The following WWP2 variants were observed in gnomAD, a reference collection of about 807,000 sequenced individuals.
WWP2 encodes NEDD4-like E3 ubiquitin-protein ligase WWP2.
WWP2 carries 57 observed loss-of-function variants against 121.0 expected under a neutral mutation model. The observed-to-expected ratio is 0.47, with a 90% CI of 0.38 to 0.59. The LOEUF (loss-of-function observed/expected upper bound fraction) is 0.59. WWP2 is among the 20% of genes least tolerant of loss of function. The pLI, the probability that WWP2 is intolerant of heterozygous loss-of-function variation, is 0.00. For synonymous variants in WWP2, 449 were observed against 441.3 expected (o/e 1.02, Z -0.22); for missense variants, 962 against 1,158.9 (o/e 0.83, Z 2.47).
intron 7 of WWP2, among the ~76,000 whole-genome samples, chr16:69,881,074 G>A (rs1032210998): frequency 6.6e-6 from 1 of 152,114 alleles, no homozygotes; most frequent in Non-Finnish European, 1.5e-5. Flanking sequence ...CATCACAGAG[G>A]GAACCTTGTG....
In WWP2 at chr16:69,940,605, G is replaced by C. The variant is rs988263769; in HGVS notation, c.*665G>C. On this transcript the variant is annotated 3_prime_UTR_variant, in exon 24 of 24. Coordinates refer to ENST00000359154, the MANE Select transcript of WWP2 (RefSeq NM_001270454.2). ...GGGACAAAAACAGCAAACTCCCTCAGACTTTGTCCATGTATAAACTTGAAG... is the reference window on the plus strand; with the variant it reads ...GGGACAAAAACAGCAAACTCCCTCACACTTTGTCCATGTATAAACTTGAAG... 1.3e-5 allele frequency: 2 copies of C among 152,338 alleles called. No individual in the cohort carries two copies. Among genetic ancestry groups the C allele is most frequent in the African/African-American group, 4.8e-5 (2 of 41,448 alleles). The allele number at this position is 152,338 out of a possible 1,614,324, so 9.4% of individuals were successfully genotyped here.
Position 69,832,457 on chromosome 16 carries a change from A to G in WWP2, c.341-7669A>G, listed in dbSNP as rs142552168. Reference sequence around the variant, plus strand: ...GCCAATTTCATACCTAGAAAACTCAATGGTAATCATTTAATATTTTGAACT... The same window carrying G: ...GCCAATTTCATACCTAGAAAACTCAGTGGTAATCATTTAATATTTTGAACT... On this transcript the variant is annotated intron_variant, in intron 4 of 23. Transcript: ENST00000359154. Among the ~76,000 whole-genome samples the G allele has an allele frequency of 2.2e-4, 33 of 152,342 alleles. 1 individual carries two copies. In the East Asian group the frequency reaches 3.1e-3, roughly 14 times the overall value.
intron 8 of WWP2, among the ~76,000 whole-genome samples, chr16:69,897,689 C>CACA (rs1343280890): frequency 6.6e-6 from 1 of 152,094 alleles, no homozygotes; most frequent in Non-Finnish European, 1.5e-5. Flanking sequence ...CTGGGTGGAT[C>CACA]ACAAGGTCAG....
intron 19 of WWP2, chr16:69,936,667 C>T (rs780640267): frequency 2.0e-5 from 13 of 640,224 alleles, no homozygotes; most frequent in Non-Finnish European, 3.1e-5. Context: ...TGTGCTTTTT[C>T]GCCATGTGGG....
intron 4 of WWP2, among the ~76,000 whole-genome samples, chr16:69,822,781 A>G (rs552253718): frequency 1.3e-5 from 2 of 152,192 alleles, no homozygotes; most frequent in South Asian, 4.1e-4. Flanking sequence ...GTGCTGTCCA[A>G]TAGAAACAGA....
At chr16:69,862,691 C>G (rs531638953) in intron 6 of WWP2, among the ~76,000 whole-genome samples, 1 of 150,774 alleles carries the variant, frequency 6.6e-6, no homozygotes, top group South Asian at 2.1e-4. Context: ...AACCTGGTAT[C>G]CAGCCAGCCA....
Position 69,844,895 on chromosome 16 carries a change from A to G in WWP2, c.575+2775A>G, listed in dbSNP as rs547716906. Among the ~76,000 whole-genome samples, 3 of 152,268 alleles carry G rather than the reference A, an allele frequency of 2.0e-5. No homozygotes were observed. The East Asian group carries it at 5.8e-4, about 29-fold the overall frequency. On this transcript the variant is annotated intron_variant, in intron 6 of 23. Transcript: ENST00000359154. ...AACCTGTTGCCATTCAGCAGGAAAT[A>G]TTTTTGCAAATATTATCCAAAGGCT...
chr16:69,887,823 A>G (rs765083364), intron 7 of WWP2, among the ~76,000 whole-genome samples: 3 of 152,190 alleles, frequency 2.0e-5, no homozygotes, highest in Non-Finnish European at 4.4e-5. Context: ...TAGTGTTAAT[A>G]TATTTATTTC....
intron 6 of WWP2, among the ~76,000 whole-genome samples, chr16:69,848,620 G>A (rs1393278658): frequency 8.3e-6 from 1 of 120,338 alleles, no homozygotes; most frequent in East Asian, 2.6e-4. Flanking sequence ...CTGGGCAACA[G>A]AGCTAGATGC....
intron 9 of WWP2, among the ~76,000 whole-genome samples, chr16:69,911,422 G>T (rs1227561015): frequency 6.6e-6 from 1 of 152,198 alleles, no homozygotes; most frequent in Non-Finnish European, 1.5e-5. Context: ...GATCCAGGTT[G>T]GGGGGACAGT....
At chr16:69,908,689 G>C (rs1389780885) in intron 8 of WWP2, 72 bp from the exon 9 acceptor site, 1 of 1,544,058 alleles carries the variant, frequency 6.5e-7, no homozygotes, top group Non-Finnish European at 8.7e-7. Flanking sequence ...GAGTGATGAA[G>C]GTCTTCCTTT....
In WWP2 at chr16:69,787,082, T is replaced by C. The variant is rs774102629; in HGVS notation, c.70+2T>C. 2.7e-5 allele frequency: 43 copies of C among 1,612,836 alleles called. No individual in the cohort carries two copies. The East Asian group carries it at 8.5e-4, about 32-fold the overall frequency. On this transcript the variant is annotated splice_donor_variant, in intron 2 of 23. Transcript: ENST00000359154. LOFTEE classifies it high-confidence loss of function. ...AGAAGTCTCAGCTCACTTTGAAAGG[T>C]GAGTGGCACTGTATAATGTCTTCAT...
intron 9 of WWP2, among the ~76,000 whole-genome samples, chr16:69,915,101 G>C (rs1420742651): frequency 1.3e-5 from 2 of 152,222 alleles, no homozygotes; most frequent in Non-Finnish European, 2.9e-5. Flanking sequence ...ATGTGGCCGA[G>C]AGAGGAAGGC....
intron 11 of WWP2, among the ~76,000 whole-genome samples, chr16:69,929,217 T>C: frequency 6.6e-6 from 1 of 151,260 alleles, no homozygotes; most frequent in African/African-American, 2.4e-5. Flanking sequence ...GTGCTTCATC[T>C]CGAGTTGGAA....
At position 69,807,619 on chromosome 16, in the gene WWP2, C is replaced by CAAAAAAAAAAA. The variant is rs530408058; in HGVS notation, c.340+8339_340+8349dup. Among the ~76,000 whole-genome samples the CAAAAAAAAAAA allele has an allele frequency of 1.4e-3, 67 of 46,820 alleles. 1 individual carries two copies. The highest frequency in any genetic ancestry group is 2.1e-3 in the African/African-American group (28 of 13,454). 30.7% of individuals were successfully genotyped at this position (46,820 alleles called of 152,430 possible). ...GGGTGACAGAGCAAGACCCTTTCTCCAAAAAAAAAAAAAAAAAAAAAAAAA... is the reference window on the plus strand; with the variant it reads ...GGGTGACAGAGCAAGACCCTTTCTCCAAAAAAAAAAAAAAAAAAAAAAAAAAAAAAAAAAAA... On this transcript the variant is annotated intron_variant, in intron 4 of 23. Transcript: ENST00000359154.
intron 8 of WWP2, among the ~76,000 whole-genome samples, chr16:69,894,001 TC>T (rs2058069539): frequency 6.6e-6 from 1 of 152,124 alleles, no homozygotes; most frequent in South Asian, 2.1e-4. Flanking sequence ...TCTCAACTCA[TC>T]CAGTCTCCCT....
At chr16:69,842,911 C>G (rs749676230) in intron 6 of WWP2, among the ~76,000 whole-genome samples, 65 of 152,144 alleles carry the variant, frequency 4.3e-4, no homozygotes, top group Non-Finnish European at 8.7e-4. Flanking sequence ...TCAACCGATT[C>G]TCCTGTCCTG....
At chr16:69,811,342 C>A (rs1333350269) in intron 4 of WWP2, among the ~76,000 whole-genome samples, 1 of 152,042 alleles carries the variant, frequency 6.6e-6, no homozygotes, top group African/African-American at 2.4e-5. Context: ...TGTGGTGGCT[C>A]ACACCTGTAA....
chr16:69,862,124 G>C (rs2057432908), intron 6 of WWP2, among the ~76,000 whole-genome samples: 1 of 152,192 alleles, frequency 6.6e-6, no homozygotes. Context: ...GGAGTGCAAT[G>C]GTGTGATCTC....
Sources: gnomAD v4.1 joint callset for allele counts (sites outside exome capture counted in the v4.1 genomes callset) on GRCh38, gnomAD v4.1.1 for gene constraint, MANE v1.5 for transcripts, NCBI Gene and HGNC (gene_info 2026-07-23, HGNC 2026-07-21) for gene names.